The following SDK2 variants were observed in gnomAD, a reference collection of about 807,000 sequenced individuals.
SDK2 encodes protein sidekick-2.
Under a neutral mutation model 253.9 loss-of-function variants are expected in SDK2, and 105 were observed. The observed-to-expected ratio is 0.41, with a 90% CI of 0.35 to 0.49. SDK2 has a LOEUF of 0.49. SDK2 is among the 20% of genes least tolerant of loss of function. The probability of loss-of-function intolerance (pLI) is 0.06; values close to 1 mark genes in which losing one functional copy is unlikely to be tolerated. For missense variants in SDK2, 2,608 were observed against 3,003.0 expected, an observed-to-expected ratio of 0.87 and a Z score of 3.07; for synonymous variants, 1,249 against 1,234.9, an observed-to-expected ratio of 1.01 and a Z score of -0.24.
At position 73,379,060 on chromosome 17, in the gene SDK2, T is replaced by C. The variant is rs2062808376; in HGVS notation, c.4980+117A>G. The C allele has an allele frequency of 2.7e-6, 2 of 731,904 alleles. No individual in the cohort carries two copies. Among genetic ancestry groups the C allele is most frequent in the African/African-American group, 3.5e-5 (2 of 57,066 alleles). 45.3% of individuals were successfully genotyped at this position (731,904 alleles called of 1,614,324 possible). The stretch of plus-strand genomic sequence containing the variant: ...CACAGAGCCTGAAGGGCCGAGGAGC[T>C]GGCTGGATGAATGGAGGGCCTGGGG... On this transcript the variant is annotated intron_variant, in intron 36 of 44. Coordinates refer to ENST00000392650, the MANE Select transcript of SDK2 (RefSeq NM_001144952.2). The surrounding 1 kb of genome is among the most constrained non-coding windows in gnomAD (Gnocchi z 4.5).
chr17:73,373,360 A>G (rs543274363), intron 36 of SDK2, among the ~76,000 whole-genome samples: 1 of 152,226 alleles, frequency 6.6e-6, no homozygotes, highest in Non-Finnish European at 1.5e-5. Context: ...CCTCATTTCA[A>G]TTCCTTTGGA....
In SDK2 at chr17:73,397,988, C is replaced by CAG. The variant is rs781542285; in HGVS notation, c.3354+45_3354+46dup. On this transcript the variant is annotated intron_variant, in intron 24 of 44. Transcript: ENST00000392650. ...TGTGCACCTTCTAGGAGGCAATGAC[C>CAG]AGAAGCTCATGGAGAGGTCCCACCC... is the stretch of plus-strand genomic sequence containing the variant. The CAG allele has an allele frequency of 3.3e-5, 52 of 1,597,206 alleles. No homozygotes were observed. In the South Asian group the frequency reaches 5.4e-4, roughly 17 times the overall value.
At chr17:73,344,163 C>A (rs908156212) in intron 44 of SDK2, among the ~76,000 whole-genome samples, 2 of 152,126 alleles carry the variant, frequency 1.3e-5, no homozygotes, top group African/African-American at 2.4e-5. Context: ...ACAATTTTGT[C>A]GAGGCTCTGG....
chr17:73,476,593 C>G (rs1417788303), intron 2 of SDK2, among the ~76,000 whole-genome samples: 3 of 152,164 alleles, frequency 2.0e-5, no homozygotes, highest in African/African-American at 7.2e-5. Context: ...GAAATTTAAA[C>G]TTTAATAAAA....
chr17:73,632,509 G>A (rs2046283091), intron 1 of SDK2, among the ~76,000 whole-genome samples: 1 of 152,198 alleles, frequency 6.6e-6, no homozygotes, highest in South Asian at 2.1e-4. Context: ...ACTGAAGGCT[G>A]CACTGTCGGC....
Position 73,337,438 on chromosome 17 carries a change from G to T in SDK2, c.*1149C>A, listed in dbSNP as rs1008088796. On this transcript the variant is annotated 3_prime_UTR_variant, in exon 45 of 45. Coordinates refer to ENST00000392650, the MANE Select transcript of SDK2 (RefSeq NM_001144952.2). ...GAAAGTGAGTGTGCTGTCTGGCTAGGAGGGCCCAGATGAGTTTGTTCTGGA... is the reference window on the plus strand; with the variant it reads ...GAAAGTGAGTGTGCTGTCTGGCTAGTAGGGCCCAGATGAGTTTGTTCTGGA... The T allele has an allele frequency of 6.6e-6, 1 of 152,246 alleles. No individual in the cohort carries two copies. The highest frequency in any genetic ancestry group is 1.5e-5 in the Non-Finnish European group (1 of 68,156). 9.4% of individuals were successfully genotyped at this position (152,246 alleles called of 1,614,324 possible).
intron 1 of SDK2, chr17:73,516,543 C>T (rs142745813): frequency 5.2e-5 from 8 of 152,610 alleles, no homozygotes; most frequent in East Asian, 1.9e-4. Context: ...CTTGGATTCC[C>T]TCCTCCTCCC....
chr17:73,582,721 C>T (rs1031359896), intron 1 of SDK2, among the ~76,000 whole-genome samples: 2 of 152,132 alleles, frequency 1.3e-5, no homozygotes, highest in Non-Finnish European at 2.9e-5. Flanking sequence ...GGAACAGAAC[C>T]CCTTCTCCTC....
intron 39 of SDK2, among the ~76,000 whole-genome samples, chr17:73,359,443 G>T (rs2062622654): frequency 6.6e-6 from 1 of 152,192 alleles, no homozygotes; most frequent in South Asian, 2.1e-4. Flanking sequence ...GGGTCAGGTG[G>T]GGTGGACACG....
intron 27 of SDK2, among the ~76,000 whole-genome samples, chr17:73,391,853 G>A (rs1433767370): frequency 2.6e-5 from 4 of 152,220 alleles, no homozygotes; most frequent in African/African-American, 9.7e-5. Context: ...GGCCCTGGAT[G>A]GATGCGTCAG....
chr17:73,472,175 G>A lies in SDK2; in HGVS notation c.268C>T (p.Arg90Cys), dbSNP rs993460085. The A allele has an allele frequency of 4.6e-5, 72 of 1,551,598 alleles. No individual in the cohort carries two copies. Among genetic ancestry groups the A allele is most frequent in the African/African-American group, 5.5e-5 (4 of 73,050 alleles). ...CCCATTCGGTTCCGCACGATGCAAC[G>A]GTAAAAGCCAGCGTGGGTGCGGTCC... ...SLDRTHAGFY[R>C]CIVRNRMGAL... The change falls in exon 3 of 45, where the codon CGT (arginine) becomes TGT (cysteine). Residue 90 changes from arginine (R) to cysteine (C), a missense_variant. Physicochemically the swap from Arg to Cys is radical, Grantham distance 180. Coordinates refer to ENST00000392650, the MANE Select transcript of SDK2 (RefSeq NM_001144952.2).
At chr17:73,471,530 G>A (rs571399344) in intron 3 of SDK2, among the ~76,000 whole-genome samples, 11 of 152,178 alleles carry the variant, frequency 7.2e-5, no homozygotes, top group Admixed American at 2.0e-4. Context: ...ACCTGGAAGC[G>A]GAGGTTGCAG....
chr17:73,576,898 C>T (rs1401704670), intron 1 of SDK2, among the ~76,000 whole-genome samples: 1 of 152,206 alleles, frequency 6.6e-6, no homozygotes, highest in Non-Finnish European at 1.5e-5. Context: ...ATTCTGAGAA[C>T]AAGCCCTGAT....
At chr17:73,525,981 G>A (rs1178682945) in intron 1 of SDK2, among the ~76,000 whole-genome samples, 1 of 152,256 alleles carries the variant, frequency 6.6e-6, no homozygotes, top group Non-Finnish European at 1.5e-5. Flanking sequence ...GCTCACAGGG[G>A]AGATGGATGA....
Position 73,377,784 on chromosome 17 carries a change from G to C in SDK2, c.4980+1393C>G, listed in dbSNP as rs144748808. Among the ~76,000 whole-genome samples the C allele has an allele frequency of 4.1e-3, 626 of 151,264 alleles. 22 individuals carry two copies. In the East Asian group the frequency reaches 0.088, roughly 21 times the overall value. ...TGCGCCACCACACCCGGCTAATTTT[G>C]TATTTTTAGTAGAGATGGGGTTTCA... On this transcript the variant is annotated intron_variant, in intron 36 of 44. Coordinates refer to ENST00000392650, the MANE Select transcript of SDK2 (RefSeq NM_001144952.2).
At chr17:73,462,430 G>C (rs2063570133) in intron 3 of SDK2, among the ~76,000 whole-genome samples, 1 of 86,880 alleles carries the variant, frequency 1.2e-5, no homozygotes, top group Non-Finnish European at 2.4e-5. Context: ...GATGCATTTG[G>C]TGGGATGGTA....
In SDK2 at chr17:73,438,087, G is replaced by A. The variant is rs749241155; in HGVS notation, c.793C>T (p.His265Tyr). Residue 265 changes from histidine (H) to tyrosine (Y), a missense_variant, in exon 7 of 45, where the codon CAC (histidine) becomes TAC (tyrosine). Transcript: ENST00000392650. Reference protein sequence around the residue: ...GVLLSGGISDHNRRLTIPNPT... With the variant: ...GVLLSGGISDYNRRLTIPNPT... ...TTGGGGATGGTGAGCCGGCGGTTGT[G>A]GTCACTGATGCCGCCCGACAGCAAT... is the stretch of plus-strand genomic sequence containing the variant. The A allele has an allele frequency of 1.9e-6, 3 of 1,551,640 alleles. No homozygotes were observed.
Position 73,388,997 on chromosome 17 carries a change from C to T in SDK2, c.4193-960G>A, listed in dbSNP as rs929922720. Among the ~76,000 whole-genome samples, 6 of 136,036 alleles carry T rather than the reference C, an allele frequency of 4.4e-5. No individual in the cohort carries two copies. In the East Asian group the frequency reaches 1.3e-3, roughly 30 times the overall value. The allele number at this position is 136,036 out of a possible 152,430, so 89.2% of individuals were successfully genotyped here. A position where few individuals can be genotyped will look rare whatever the true frequency, so the allele number is the denominator to read the frequency against. On this transcript the variant is annotated intron_variant, in intron 29 of 44. Coordinates refer to ENST00000392650, the MANE Select transcript of SDK2 (RefSeq NM_001144952.2). ...TTCCCTTCCCCTTCCCCTTCCCCTC[C>T]TTCCTTTTTCTTTCGTTATTTAAAA...
At chr17:73,517,877 G>A (rs1198200441) in intron 1 of SDK2, 2 of 152,362 alleles carry the variant, frequency 1.3e-5, no homozygotes, top group Non-Finnish European at 2.9e-5. Context: ...GAAAATGTTG[G>A]TTTTCAATCC....
Sources: gnomAD v4.1 joint callset for allele counts (sites outside exome capture counted in the v4.1 genomes callset) on GRCh38, gnomAD v4.1.1 for gene constraint, Gnocchi (gnomAD v3.1) non-coding constraint, MANE v1.5 for transcripts, NCBI Gene and HGNC (gene_info 2026-07-23, HGNC 2026-07-21) for gene names.